The following MUSK variants were observed in gnomAD, a reference collection of about 807,000 sequenced individuals.
The protein encoded by MUSK is muscle, skeletal receptor tyrosine-protein kinase.
In MUSK, 55 loss-of-function variants were observed where a neutral mutation model predicts 88.7. The ratio of observed to expected loss-of-function variants is 0.62; its 90% CI spans 0.50 to 0.78. MUSK has a LOEUF of 0.78. Ranked by LOEUF, MUSK falls within the 30% of genes least tolerant of loss-of-function variation. The probability of loss-of-function intolerance (pLI) is 0.00; values close to 1 mark genes in which losing one functional copy is unlikely to be tolerated. For synonymous variants in MUSK, 387 were observed against 391.9 expected, an observed-to-expected ratio of 0.99 and a Z score of 0.15; for missense variants, 1,015 against 1,074.3, an observed-to-expected ratio of 0.94 and a Z score of 0.77.
intron 11 of MUSK, among the ~76,000 whole-genome samples, chr9:110,780,736 TA>T (rs1247906942): frequency 6.6e-6 from 1 of 152,224 alleles, no homozygotes. Flanking sequence ...TTTTTTCCTG[TA>T]AGTAATTTAT....
At chr9:110,704,785 A>G (rs1452447598) in intron 5 of MUSK, among the ~76,000 whole-genome samples, 1 of 152,078 alleles carries the variant, frequency 6.6e-6, no homozygotes, top group Non-Finnish European at 1.5e-5. Flanking sequence ...GGAGTTTGAG[A>G]CCAGCCTGGC....
rs1328788822 is a variant in MUSK, at chr9:110,690,615, TAA to T, written c.358+3349_358+3350del. Among the ~76,000 whole-genome samples the T allele has an allele frequency of 1.4e-4, 5 of 35,008 alleles. No homozygotes were observed. In the East Asian group the frequency reaches 4.0e-3, roughly 28 times the overall value. 23.0% of individuals were successfully genotyped at this position (35,008 alleles called of 152,430 possible). A position where few individuals can be genotyped will look rare whatever the true frequency, so the allele number is the denominator to read the frequency against. On this transcript the variant is annotated intron_variant, in intron 3 of 14. Transcript: ENST00000374448. ...AAGTATATATATAAATATATATATT[TAA>T]ATATAAGTATATATATAAATATATA...
At chr9:110,757,046 C>T (rs760272220) in intron 7 of MUSK, among the ~76,000 whole-genome samples, 2 of 152,088 alleles carry the variant, frequency 1.3e-5, no homozygotes, top group Non-Finnish European at 2.9e-5. Context: ...TAATTCAGTA[C>T]ATTTATAATA....
intron 3 of MUSK, 144 bp downstream of exon 3, chr9:110,687,412 G>A: frequency 4.5e-6 from 4 of 895,934 alleles, no homozygotes; most frequent in African/African-American, 1.7e-5. Context: ...TCGGTTCACT[G>A]CAACCTCCAC....
chr9:110,754,512 GT>G (rs769142740), intron 7 of MUSK, among the ~76,000 whole-genome samples: 3 of 152,134 alleles, frequency 2.0e-5, no homozygotes, highest in Non-Finnish European at 4.4e-5. Context: ...GAAAATGCAA[GT>G]GGAGACATTT....
chr9:110,759,453 C>T (rs2077369560), intron 7 of MUSK, among the ~76,000 whole-genome samples: 1 of 152,124 alleles, frequency 6.6e-6, no homozygotes, highest in African/African-American at 2.4e-5. Flanking sequence ...GCACTTGCAG[C>T]CAAAGCAAAT....
At position 110,728,887 on chromosome 9, in the gene MUSK, T is replaced by A. The variant is rs972406437; in HGVS notation, c.629-5364T>A. On this transcript the variant is annotated intron_variant, in intron 5 of 14. Transcript: ENST00000374448. ...TAACGGTGTTATTAGATAGGCTTCT[T>A]TATTATATAATATGCTTACTGACCA... is the stretch of plus-strand genomic sequence containing the variant. 2.0e-5 allele frequency among the ~76,000 whole-genome samples: 3 copies of A among 152,052 alleles called. No individual in the cohort carries two copies. The South Asian group carries it at 6.2e-4, about 31-fold the overall frequency.
At chr9:110,739,777 A>G (rs2077074269) in intron 6 of MUSK, among the ~76,000 whole-genome samples, 1 of 152,060 alleles carries the variant, frequency 6.6e-6, no homozygotes, top group South Asian at 2.1e-4. Context: ...CCTTAAGGAG[A>G]TGGGTGCATG....
chr9:110,762,166 T>G (rs757009398), intron 7 of MUSK, 36 bp from the exon 8 acceptor site: 2 of 1,411,542 alleles, frequency 1.4e-6, no homozygotes, highest in African/African-American at 1.4e-5. Flanking sequence ...CTCCTTTAAT[T>G]TGACTTCCTG....
At position 110,802,931 on chromosome 9, in the gene MUSK, G is replaced by A. The variant is rs962754992; in HGVS notation, c.*1943G>A. Among the ~76,000 whole-genome samples the A allele has an allele frequency of 5.9e-5, 9 of 152,188 alleles. No homozygotes were observed. The highest frequency in any genetic ancestry group is 2.2e-4 in the African/African-American group (9 of 41,452). ...AATTGATACTGTAATCCAAATGACTGAATAAAGAATAAAGTTGCAGCGTGT... is the reference window on the plus strand; with the variant it reads ...AATTGATACTGTAATCCAAATGACTAAATAAAGAATAAAGTTGCAGCGTGT... On this transcript the variant is annotated 3_prime_UTR_variant, in exon 15 of 15. Transcript: ENST00000374448.
chr9:110,741,384 A>C (rs1199656419), intron 6 of MUSK, among the ~76,000 whole-genome samples: 1 of 152,168 alleles, frequency 6.6e-6, no homozygotes, highest in African/African-American at 2.4e-5. Flanking sequence ...GTCTCTCTAA[A>C]GCAGGGTGCC....
intron 9 of MUSK, among the ~76,000 whole-genome samples, chr9:110,771,381 C>A (rs551948655): frequency 2.0e-5 from 3 of 152,138 alleles, no homozygotes; most frequent in African/African-American, 7.2e-5. Flanking sequence ...TGAGCCACCG[C>A]GCCCAGCCCT....
At chr9:110,709,824 T>A (rs2076645421) in intron 5 of MUSK, among the ~76,000 whole-genome samples, 1 of 152,144 alleles carries the variant, frequency 6.6e-6, no homozygotes. Flanking sequence ...CCCAAAGTCA[T>A]ATAGTTCAAT....
chr9:110,784,883 T>C lies in MUSK; in HGVS notation c.1453T>C (p.Ser485Pro). The C allele has an allele frequency of 6.2e-7, 1 of 1,613,884 alleles. No individual in the cohort carries two copies. Among genetic ancestry groups the C allele is most frequent in the Non-Finnish European group, 8.5e-7 (1 of 1,179,832 alleles). The change falls in exon 12 of 15, where the codon TCC (serine) becomes CCC (proline). Residue 485 changes from serine (S) to proline (P), a missense_variant. Ser to Pro is a moderately conservative substitution (Grantham distance 74). Transcript: ENST00000374448. ...AAATCTGCCTTCCTCCTCCTCTTCT[T>C]CCTTCTCTGTCTCACCTACATACTC... ...IPNLPSSSSS[S>P]FSVSPTYSMT...
At chr9:110,771,964 TTAC>T (rs1468085544) in intron 9 of MUSK, among the ~76,000 whole-genome samples, 2 of 152,050 alleles carry the variant, frequency 1.3e-5, no homozygotes, top group African/African-American at 4.8e-5. Flanking sequence ...TAACGAGTTG[TTAC>T]TACTATATAA....
chr9:110,699,566 T>C (rs2076474928), intron 5 of MUSK, among the ~76,000 whole-genome samples: 1 of 152,184 alleles, frequency 6.6e-6, no homozygotes, highest in South Asian at 2.1e-4. Flanking sequence ...TCATAAGATA[T>C]AATGTAGACG....
chr9:110,697,413 C>A lies in MUSK; in HGVS notation c.575C>A (p.Ala192Glu). The A allele has an allele frequency of 1.9e-6, 3 of 1,612,156 alleles. No homozygotes were observed. The highest frequency in any genetic ancestry group is 2.5e-6 in the Non-Finnish European group (3 of 1,178,918). ...KEDAGQYRCV[A>E]KNSLGTAYSK... Reference sequence around the variant, plus strand: ...GATGCAGGACAGTATCGATGTGTGGCAAAAAACAGCCTCGGGACAGCATAT... The same window carrying A: ...GATGCAGGACAGTATCGATGTGTGGAAAAAAACAGCCTCGGGACAGCATAT... Residue 192 changes from alanine (A) to glutamate (E), a missense_variant, in exon 5 of 15, where the codon GCA (alanine) becomes GAA (glutamate). Transcript: ENST00000374448.
chr9:110,699,638 A>G (rs1022342048), intron 5 of MUSK, among the ~76,000 whole-genome samples: 7 of 152,190 alleles, frequency 4.6e-5, no homozygotes, highest in African/African-American at 1.7e-4. Flanking sequence ...TTTTTAAAAA[A>G]AAGCAACTGA....
At chr9:110,696,135 G>C (rs940458684) in intron 4 of MUSK, among the ~76,000 whole-genome samples, 2 of 152,010 alleles carry the variant, frequency 1.3e-5, no homozygotes, top group African/African-American at 4.8e-5. Context: ...AAATTAGCTG[G>C]GTGTGGTGGT....
Sources: gnomAD v4.1 joint callset for allele counts (sites outside exome capture counted in the v4.1 genomes callset) on GRCh38, gnomAD v4.1.1 for gene constraint, MANE v1.5 for transcripts, NCBI Gene and HGNC (gene_info 2026-07-23, HGNC 2026-07-21) for gene names.